Variants in MPDZ observed in about 807,000 individuals in gnomAD.
The protein encoded by MPDZ is multiple PDZ domain protein.
In MPDZ, 234 loss-of-function variants were observed where a neutral mutation model predicts 239.1. The observed-to-expected ratio is 0.98, with a 90% CI of 0.88 to 1.09. The LOEUF (loss-of-function observed/expected upper bound fraction) is 1.09, where lower values mean the gene tolerates loss of function less well. MPDZ is among the 50% of genes least tolerant of loss of function. The probability of loss-of-function intolerance (pLI) is 0.00; values close to 1 mark genes in which losing one functional copy is unlikely to be tolerated. For synonymous variants in MPDZ, 1,048 were observed against 881.3 expected (o/e 1.19, Z -3.35); for missense variants, 3,175 against 2,510.0 (o/e 1.26, Z -5.66).
rs79013427 is a variant in MPDZ, at chr9:13,227,439, C to A, written c.184-2856G>T. ...GTTTGCCAGCAGAAGACACGCAGCT[C>A]AGGTTGAAGCAGATGGCATAATGAA... On this transcript the variant is annotated intron_variant, in intron 3 of 46. Coordinates refer to ENST00000319217, the MANE Select transcript of MPDZ (RefSeq NM_001378778.1). Among the ~76,000 whole-genome samples, 93 of 151,934 alleles carry A rather than the reference C, an allele frequency of 6.1e-4. 1 individual carries two copies. In the East Asian group the frequency reaches 0.017, roughly 28 times the overall value.
chr9:13,147,671 G>A lies in MPDZ; in HGVS notation c.3631-13C>T. On this transcript the variant is annotated splice_polypyrimidine_tract_variant and intron_variant, in intron 25 of 46. Coordinates refer to ENST00000319217, the MANE Select transcript of MPDZ (RefSeq NM_001378778.1). ...CCATTCCATCCACCTGCAATGGAAG[G>A]CCTCAGCTTAACATTTCAAGAATCT... 2 of 1,589,664 alleles carry A rather than the reference G, an allele frequency of 1.3e-6. No homozygotes were observed. Among genetic ancestry groups the A allele is most frequent in the Non-Finnish European group, 1.7e-6 (2 of 1,159,076 alleles).
chr9:13,271,581 T>C (rs1002548084), intron 1 of MPDZ, among the ~76,000 whole-genome samples: 1 of 152,216 alleles, frequency 6.6e-6, no homozygotes, highest in Non-Finnish European at 1.5e-5. Context: ...GTCTCTTCTT[T>C]TCTGCGTAGC....
chr9:13,139,807 T>A (rs1947368218), intron 28 of MPDZ, 180 bp downstream of exon 28: 1 of 709,208 alleles, frequency 1.4e-6, no homozygotes, highest in Non-Finnish European at 2.5e-6. Flanking sequence ...AGAGCATGAT[T>A]TCATGCCTCA....
chr9:13,230,445 AAAG>A (rs1224590110), intron 3 of MPDZ, among the ~76,000 whole-genome samples: 1 of 152,154 alleles, frequency 6.6e-6, no homozygotes, highest in Non-Finnish European at 1.5e-5. Context: ...CTGAAAAATA[AAAG>A]AAGAAAAATA....
chr9:13,119,899 T>A (rs756189683), intron 38 of MPDZ: 1 of 476,034 alleles, frequency 2.1e-6, no homozygotes, highest in South Asian at 2.2e-5. Flanking sequence ...TTATATACAC[T>A]GAGTAGAAGC....
In MPDZ at chr9:13,112,871, T is replaced by C. The variant is rs76297322; in HGVS notation, c.5601+140A>G. 4.3e-3 allele frequency: 3,593 copies of C among 841,674 alleles called. 96 individuals carry two copies. The African/African-American group carries it at 0.054, about 13-fold the overall frequency. The allele number at this position is 841,674 out of a possible 1,614,324, so 52.1% of individuals were successfully genotyped here. The stretch of plus-strand genomic sequence containing the variant: ...AGGAAATTCATTAAGGACTACATTA[T>C]GTTATTTCACATGTAATATGTAAGA... On this transcript the variant is annotated intron_variant, in intron 42 of 46. Transcript: ENST00000319217.
Position 13,109,048 on chromosome 9 carries a change from C to A in MPDZ, c.5954G>T (p.Cys1985Phe). 4 of 1,502,900 alleles carry A rather than the reference C, an allele frequency of 2.7e-6. No homozygotes were observed. Among genetic ancestry groups the A allele is most frequent in the Non-Finnish European group, 3.6e-6 (4 of 1,120,750 alleles). The allele number at this position is 1,502,900 out of a possible 1,614,324, so 93.1% of individuals were successfully genotyped here. ...TCCTCGCTCTAGTGTAATAGACTTA[C>A]ATTGAGGAGGTCTACGGTGAAGGAA... Reference protein sequence around the residue: ...IFQDDLGPPQCKSITLERGPD... With the variant: ...IFQDDLGPPQFKSITLERGPD... Residue 1985 changes from cysteine (C) to phenylalanine (F), a missense_variant, in exon 46 of 47, where the codon TGT becomes TTT. Cys to Phe is a radical substitution (Grantham distance 205). Coordinates refer to ENST00000319217, the MANE Select transcript of MPDZ (RefSeq NM_001378778.1).
intron 32 of MPDZ, among the ~76,000 whole-genome samples, chr9:13,133,572 G>A (rs972385579): frequency 2.6e-5 from 4 of 152,160 alleles, no homozygotes; most frequent in African/African-American, 9.7e-5. Context: ...CCCTGATAAA[G>A]TATCAGCACA....
chr9:13,133,942 G>C, intron 31 of MPDZ, 38 bp from the exon 32 acceptor site: 2 of 1,213,280 alleles, frequency 1.6e-6, no homozygotes, highest in Non-Finnish European at 1.1e-6. Context: ...GAGCAACTGA[G>C]TGTTAGGAAA....
rs1942341605 is a variant in MPDZ at position 13,110,853 on chromosome 9, C to T, written c.5725-113G>A. ...CTTCCACATGACATATATACTGCTACCAGCCACTGAAATATAACCAAGGAA... is the reference window on the plus strand; with the variant it reads ...CTTCCACATGACATATATACTGCTATCAGCCACTGAAATATAACCAAGGAA... On this transcript the variant is annotated intron_variant, in intron 43 of 46. Transcript: ENST00000319217. 5 of 602,042 alleles carry T rather than the reference C, an allele frequency of 8.3e-6. No homozygotes were observed. The East Asian group carries it at 1.4e-4, about 17-fold the overall frequency. 37.3% of individuals were successfully genotyped at this position (602,042 alleles called of 1,614,324 possible). A position where few individuals can be genotyped will look rare whatever the true frequency, so the allele number is the denominator to read the frequency against.
At chr9:13,241,772 G>A (rs1026607497) in intron 3 of MPDZ, among the ~76,000 whole-genome samples, 3 of 152,134 alleles carry the variant, frequency 2.0e-5, no homozygotes, top group African/African-American at 7.2e-5. Flanking sequence ...AGCTGCTGCT[G>A]TTGCTACTTA....
chr9:13,119,313 A>C (rs1262852630), intron 39 of MPDZ, among the ~76,000 whole-genome samples, 189 bp downstream of exon 39: 21 of 152,128 alleles, frequency 1.4e-4, no homozygotes, highest in Non-Finnish European at 4.4e-5. Context: ...TCGAACCCCT[A>C]GTCTCAAGTG....
chr9:13,221,248 G>C, intron 7 of MPDZ, 124 bp downstream of exon 7: 1 of 1,078,584 alleles, frequency 9.3e-7, no homozygotes, highest in Non-Finnish European at 1.3e-6. Context: ...TAAAACGAAA[G>C]ATTCTAACTC....
intron 26 of MPDZ, among the ~76,000 whole-genome samples, chr9:13,145,281 G>C (rs1333781916): frequency 6.6e-6 from 1 of 151,992 alleles, no homozygotes; most frequent in Non-Finnish European, 1.5e-5. Flanking sequence ...CAACGAAGAA[G>C]CACAGGGAAG....
chr9:13,242,903 G>A (rs565964263), intron 3 of MPDZ, among the ~76,000 whole-genome samples: 3 of 152,142 alleles, frequency 2.0e-5, no homozygotes, highest in East Asian at 3.9e-4. Context: ...AGCAGCTCCC[G>A]TATCTTCCAG....
chr9:13,188,916 T>C lies in MPDZ; in HGVS notation c.2232A>G (p.Arg744=), dbSNP rs1954520812. ...VPGGIAEKDG[R]LLPGDRLMFV... is the part of the protein sequence containing the mutation. Reference sequence around the variant, plus strand: ...ACATGAGTCGGTCACCAGGAAGAAGTCGTCCATCCTTTTCAGCAATGCCGC... The same window carrying C: ...ACATGAGTCGGTCACCAGGAAGAAGCCGTCCATCCTTTTCAGCAATGCCGC... Residue 744 remains arginine, a synonymous_variant, in exon 17 of 47, where the codon CGA becomes CGG. Transcript: ENST00000319217. 1 of 1,613,390 alleles carries C rather than the reference T, an allele frequency of 6.2e-7. No homozygotes were observed. The highest frequency in any genetic ancestry group is 8.5e-7 in the Non-Finnish European group (1 of 1,179,566).
intron 8 of MPDZ, among the ~76,000 whole-genome samples, 175 bp downstream of exon 8, chr9:13,219,384 T>G (rs1564061195): frequency 6.6e-6 from 1 of 152,006 alleles, no homozygotes; most frequent in Non-Finnish European, 1.5e-5. Flanking sequence ...GTTTTACACA[T>G]TATTCCTGAT....
intron 1 of MPDZ, chr9:13,276,716 T>G (rs908247848): frequency 6.6e-6 from 1 of 152,158 alleles, no homozygotes; most frequent in African/African-American, 2.4e-5. Flanking sequence ...TTCATGAAAT[T>G]CAGAGTACTT....
intron 25 of MPDZ, 24 bp from the exon 26 acceptor site, chr9:13,147,682 A>G (rs779265144): frequency 6.4e-7 from 1 of 1,560,762 alleles, no homozygotes. Context: ...CCTCAGCTTA[A>G]CATTTCAAGA....
Sources: gnomAD v4.1 joint callset for allele counts (sites outside exome capture counted in the v4.1 genomes callset) on GRCh38, gnomAD v4.1.1 for gene constraint, MANE v1.5 for transcripts, NCBI Gene and HGNC (gene_info 2026-07-23, HGNC 2026-07-21) for gene names.